The following MTMR8 variants were observed in gnomAD, a reference collection of about 807,000 sequenced individuals.
MTMR8 encodes the protein myotubularin related protein 8.
A neutral mutation model predicts 39.3 loss-of-function variants in MTMR8; 65 were observed. That is an observed-to-expected ratio of 1.65 (90% CI 1.35 to 2.03). The LOEUF is 2.03. Among genes scored for constraint, MTMR8 ranks in the 30% most tolerant of loss-of-function variants. The pLI is 0.00. For missense variants in MTMR8, 777 were observed against 538.9 expected, an observed-to-expected ratio of 1.44 and a Z score of -4.37; for synonymous variants, 245 against 185.2, an observed-to-expected ratio of 1.32 and a Z score of -2.62.
At chrX:64,390,704 T>A (rs1208291466) in intron 1 of MTMR8, among the ~76,000 whole-genome samples, 1 of 111,145 alleles carries the variant, frequency 9.0e-6, no homozygotes, top group African/African-American at 3.3e-5. Flanking sequence ...TAGGCCAGAG[T>A]GAAGTGGCAC....
At chrX:64,357,405 G>A (rs774157967) in intron 2 of MTMR8, among the ~76,000 whole-genome samples, 3 of 111,539 alleles carry the variant, frequency 2.7e-5, no homozygotes, top group Non-Finnish European at 5.7e-5. Flanking sequence ...GTGTGGAAAT[G>A]ATTCAGATAT....
At chrX:64,309,707 G>A (rs1922236639) in intron 12 of MTMR8, among the ~76,000 whole-genome samples, 1 of 111,829 alleles carries the variant, frequency 8.9e-6, no homozygotes, top group Non-Finnish European at 1.9e-5. Flanking sequence ...CCAGGCCACT[G>A]CAATAAAGCA....
intron 9 of MTMR8, among the ~76,000 whole-genome samples, chrX:64,336,653 C>T (rs1166085500): frequency 9.0e-6 from 1 of 110,509 alleles, no homozygotes; most frequent in Non-Finnish European, 1.9e-5. Context: ...AAAAATTAGC[C>T]AAGCATGGTG....
At chrX:64,329,166 T>C (rs925414636) in intron 11 of MTMR8, among the ~76,000 whole-genome samples, 4 of 112,092 alleles carry the variant, frequency 3.6e-5, no homozygotes, top group Non-Finnish European at 5.6e-5. Context: ...GTCCAGTCTC[T>C]GTGTGGAATA....
At chrX:64,304,856 A>G (rs868118711) in intron 12 of MTMR8, among the ~76,000 whole-genome samples, 5 of 60,529 alleles carry the variant, frequency 8.3e-5, no homozygotes, top group Admixed American at 2.2e-4. Context: ...GATGGATCAA[A>G]CATTTATATA....
chrX:64,382,176 C>G (rs1184351166), intron 1 of MTMR8, among the ~76,000 whole-genome samples: 6 of 111,593 alleles, frequency 5.4e-5, no homozygotes, highest in Admixed American at 1.9e-4. Flanking sequence ...GGCATTGAAT[C>G]TATAAATTAC....
intron 12 of MTMR8, among the ~76,000 whole-genome samples, chrX:64,324,172 T>C (rs1922727130): frequency 9.0e-6 from 1 of 111,503 alleles, no homozygotes; most frequent in Non-Finnish European, 1.9e-5. Flanking sequence ...TCCACCAGCC[T>C]GGGCAACAAA....
intron 12 of MTMR8, among the ~76,000 whole-genome samples, chrX:64,302,348 C>G (rs982334044): frequency 2.5e-4 from 28 of 112,562 alleles, no homozygotes; most frequent in Non-Finnish European, 4.1e-4. Flanking sequence ...TCTGTCACCC[C>G]TTTCTTTGAT....
At chrX:64,381,778 G>C (rs1479536743) in intron 1 of MTMR8, among the ~76,000 whole-genome samples, 1 of 111,297 alleles carries the variant, frequency 9.0e-6, no homozygotes, top group African/African-American at 3.3e-5. Flanking sequence ...ATTAATTTTT[G>C]TATAAGGTGT....
At chrX:64,281,316 G>T (rs770042694) in intron 12 of MTMR8, among the ~76,000 whole-genome samples, 2 of 111,738 alleles carry the variant, frequency 1.8e-5, no homozygotes, top group Non-Finnish European at 3.8e-5. Flanking sequence ...AGGCTATATA[G>T]TAACCAAAAC....
intron 1 of MTMR8, among the ~76,000 whole-genome samples, chrX:64,390,392 C>A (rs1177315040): frequency 1.8e-5 from 2 of 112,095 alleles, no homozygotes; most frequent in Non-Finnish European, 3.8e-5. Context: ...CCATCTGGCA[C>A]TCCAATTATT....
chrX:64,320,488 T>C (rs1316198767), intron 12 of MTMR8, among the ~76,000 whole-genome samples: 1 of 110,779 alleles, frequency 9.0e-6, no homozygotes, highest in Non-Finnish European at 1.9e-5. Flanking sequence ...CTCAGGACCT[T>C]GACTTTATTT....
intron 1 of MTMR8, among the ~76,000 whole-genome samples, chrX:64,384,183 C>T (rs1042666653): frequency 1.8e-5 from 2 of 112,064 alleles, no homozygotes; most frequent in Non-Finnish European, 3.8e-5. Flanking sequence ...CTCCATGTCC[C>T]ACATCCAGGG....
intron 3 of MTMR8, 143 bp downstream of exon 3, chrX:64,356,033 A>G: frequency 3.6e-6 from 2 of 548,907 alleles, no homozygotes; most frequent in Non-Finnish European, 5.9e-6. Context: ...CAGAGGTTAT[A>G]TAACTTGCCC....
intron 10 of MTMR8, among the ~76,000 whole-genome samples, chrX:64,333,646 G>A (rs1487612255): frequency 9.0e-6 from 1 of 111,059 alleles, no homozygotes; most frequent in Non-Finnish European, 1.9e-5. Flanking sequence ...ACCCAAACCC[G>A]ACCCCTTCTC....
chrX:64,297,722 G>A (rs1297311066), intron 12 of MTMR8, among the ~76,000 whole-genome samples: 8 of 107,723 alleles, frequency 7.4e-5, no homozygotes, highest in Non-Finnish European at 1.2e-4. Context: ...TAGGTCTAAC[G>A]TTTAAATCTT....
chrX:64,356,262 T>C lies in MTMR8; in HGVS notation c.224A>G (p.Lys75Arg). The change falls in exon 3 of 14, where the codon AAG (lysine) becomes AGG (arginine). Residue 75 changes from lysine to arginine, a missense_variant. Transcript: ENST00000374852. Reference protein sequence around the residue: ...SLGCPLTLRCKNFRVAHFVLD... With the variant: ...SLGCPLTLRCRNFRVAHFVLD... ...AACAAAGTGGGCCACCCGGAAATTC[T>C]TGCAGCGGAGGGTCAGGGGACAACC... 1 of 1,210,149 alleles carries C rather than the reference T, an allele frequency of 8.3e-7. No homozygotes were observed. The highest frequency in any genetic ancestry group is 1.8e-5 in the South Asian group (1 of 56,604).
chrX:64,331,054 C>T (rs1922926334), intron 11 of MTMR8, among the ~76,000 whole-genome samples: 1 of 111,541 alleles, frequency 9.0e-6, no homozygotes, highest in African/African-American at 3.3e-5. Flanking sequence ...TCTCACAAAT[C>T]ACCACTAAAG....
intron 12 of MTMR8, among the ~76,000 whole-genome samples, chrX:64,308,390 C>A (rs186484883): frequency 2.1e-5 from 2 of 96,157 alleles, no homozygotes; most frequent in Non-Finnish European, 4.0e-5. Flanking sequence ...AGGAGGGTCT[C>A]GATCTCCTGA....
Sources: allele counts gnomAD v4.1 joint callset (sites outside exome capture counted in the v4.1 genomes callset), GRCh38; gene constraint gnomAD v4.1.1; transcripts MANE v1.5; gene names NCBI Gene and HGNC (gene_info 2026-07-23, HGNC 2026-07-21).